The following SP4 variants were observed in gnomAD, a reference collection of about 807,000 sequenced individuals.
The protein encoded by SP4 is Sp4 transcription factor, also known as transcription factor Sp4.
A neutral mutation model predicts 72.8 loss-of-function variants in SP4; 19 were observed. The observed-to-expected ratio is 0.26, with a 90% CI of 0.18 to 0.38. SP4 has a LOEUF of 0.38. Among genes scored for constraint, SP4 ranks in the 10% least tolerant of loss-of-function variants. SP4 has a pLI of 1.00. For synonymous variants in SP4, 395 were observed against 333.1 expected (o/e 1.19, Z -2.02); for missense variants, 1,008 against 926.3 (o/e 1.09, Z -1.14).
At chr7:21,429,180 G>T in intron 2 of SP4, 109 bp from the exon 3 acceptor site, 1 of 624,282 alleles carries the variant, frequency 1.6e-6, no homozygotes, top group Non-Finnish European at 2.8e-6. Context: ...TTCCTAAATT[G>T]TTATGTAGAG....
At chr7:21,475,686 A>T (rs191753680) in intron 3 of SP4, among the ~76,000 whole-genome samples, 87 of 152,204 alleles carry the variant, frequency 5.7e-4, no homozygotes, top group African/African-American at 2.0e-3. Context: ...GATGGTCTCG[A>T]TCTCCTGACC....
At chr7:21,471,311 C>T (rs1784335360) in intron 3 of SP4, among the ~76,000 whole-genome samples, 1 of 152,140 alleles carries the variant, frequency 6.6e-6, no homozygotes, top group Non-Finnish European at 1.5e-5. Flanking sequence ...GTGATAAGGG[C>T]TTGCACTAGT....
At chr7:21,505,235 C>T (rs1781964434) in intron 5 of SP4, among the ~76,000 whole-genome samples, 1 of 152,158 alleles carries the variant, frequency 6.6e-6, no homozygotes, top group Admixed American at 6.5e-5. Flanking sequence ...CCAGTATTCT[C>T]TCTGGGTTTA....
At chr7:21,437,912 AAAAC>A (rs1287619330) in intron 3 of SP4, among the ~76,000 whole-genome samples, 2 of 152,180 alleles carry the variant, frequency 1.3e-5, no homozygotes, top group African/African-American at 4.8e-5. Flanking sequence ...AAGAATGTGG[AAAAC>A]ATTTCGTACT....
At chr7:21,504,289 C>G (rs1487372653) in intron 5 of SP4, among the ~76,000 whole-genome samples, 5 of 152,152 alleles carry the variant, frequency 3.3e-5, no homozygotes, top group African/African-American at 7.2e-5. Context: ...ATTTATTAGA[C>G]CCTGCTCTGT....
At chr7:21,482,752 T>C (rs1429556297) in intron 5 of SP4, 6 of 980,376 alleles carry the variant, frequency 6.1e-6, no homozygotes, top group Non-Finnish European at 7.3e-6. Context: ...AAAAAATGTT[T>C]TGTGTGTGTT....
intron 3 of SP4, among the ~76,000 whole-genome samples, chr7:21,442,037 T>TGTGTG (rs58513125): frequency 2.6e-5 from 1 of 37,824 alleles, no homozygotes; most frequent in African/African-American, 9.2e-5. Context: ...TGTGTGTGTG[T>TGTGTG]ATTTTTTTTT....
In SP4 at chr7:21,430,115, C is replaced by T; in HGVS notation, c.950C>T (p.Ser317Phe). The T allele has an allele frequency of 1.2e-6, 2 of 1,614,210 alleles. No homozygotes were observed. The highest frequency in any genetic ancestry group is 1.1e-5 in the South Asian group (1 of 91,090). The change falls in exon 3 of 6, where the codon TCT becomes TTT. Residue 317 changes from serine to phenylalanine, a missense_variant. This residue lies in a region of SP4 where 893 missense variants were observed against 743.3 expected (regional missense o/e 1.20). Coordinates refer to ENST00000222584, the MANE Select transcript of SP4 (RefSeq NM_003112.5). Reference sequence around the variant, plus strand: ...ACTTCTGCCAGTACTATGCCAGAATCTCCCTCCTCCTCCACTACCTGCACA... The same window carrying T: ...ACTTCTGCCAGTACTATGCCAGAATTTCCCTCCTCCTCCACTACCTGCACA... ...TTTSASTMPESPSSSTTCTTT... is the reference protein window; with the variant it reads ...TTTSASTMPEFPSSSTTCTTT...
At chr7:21,492,020 G>C (rs1784991818) in intron 5 of SP4, among the ~76,000 whole-genome samples, 1 of 152,196 alleles carries the variant, frequency 6.6e-6, no homozygotes, top group Non-Finnish European at 1.5e-5. Flanking sequence ...TGGGTAAATA[G>C]AGCAGACTGT....
At chr7:21,481,282 A>G (rs1230160769) in intron 4 of SP4, among the ~76,000 whole-genome samples, 1 of 152,176 alleles carries the variant, frequency 6.6e-6, no homozygotes, top group African/African-American at 2.4e-5. Flanking sequence ...GGGAGGTGGG[A>G]AGAGTAGGAA....
intron 1 of SP4, among the ~76,000 whole-genome samples, 170 bp downstream of exon 1, chr7:21,428,428 T>A (rs942374170): frequency 2.6e-5 from 4 of 152,116 alleles, no homozygotes; most frequent in Non-Finnish European, 5.9e-5. Context: ...TTTGTCTTAA[T>A]GTCTGAGAGA....
intron 3 of SP4, among the ~76,000 whole-genome samples, chr7:21,459,116 A>C (rs983101711): frequency 6.6e-6 from 1 of 150,556 alleles, no homozygotes; most frequent in Non-Finnish European, 1.5e-5. Context: ...TGTTTTGGGA[A>C]TTGTTTTGTT....
rs1200259975 is a variant in SP4 at position 21,513,419 on chromosome 7, A to G, written c.*2150A>G. 4 of 152,554 alleles carry G rather than the reference A, an allele frequency of 2.6e-5. No homozygotes were observed. The highest frequency in any genetic ancestry group is 2.0e-4 in the Admixed American group (3 of 15,284). 9.5% of individuals were successfully genotyped at this position (152,554 alleles called of 1,614,324 possible). A position where few individuals can be genotyped will look rare whatever the true frequency, so the allele number is the denominator to read the frequency against. On this transcript the variant is annotated 3_prime_UTR_variant, in exon 6 of 6. Coordinates refer to ENST00000222584, the MANE Select transcript of SP4 (RefSeq NM_003112.5). ...TTGTTTTGTATATTTTATTTAATGT[A>G]CTCTTAACAACTGATGTATCTGGCT...
chr7:21,486,631 C>A (rs1042792220), intron 5 of SP4, among the ~76,000 whole-genome samples: 1 of 152,134 alleles, frequency 6.6e-6, no homozygotes. Flanking sequence ...ACATTAGTGT[C>A]TTTCTCTTAT....
intron 3 of SP4, among the ~76,000 whole-genome samples, chr7:21,470,560 G>A (rs1233510205): frequency 6.6e-6 from 1 of 151,938 alleles, no homozygotes; most frequent in African/African-American, 2.4e-5. Flanking sequence ...TCCTTTCTAC[G>A]TGTTAGCTTA....
chr7:21,470,537 C>T (rs1784303197), intron 3 of SP4, among the ~76,000 whole-genome samples: 1 of 152,128 alleles, frequency 6.6e-6, no homozygotes, highest in Admixed American at 6.5e-5. Flanking sequence ...CCTTTACCAG[C>T]TAAACCTGAC....
Position 21,428,719 on chromosome 7 carries a change from C to A in SP4, c.50C>A (p.Ala17Glu). The change falls in exon 2 of 6, where the codon GCG becomes GAG. Residue 17 changes from alanine to glutamate, a missense_variant. Coordinates refer to ENST00000222584, the MANE Select transcript of SP4 (RefSeq NM_003112.5). ...GAGGAGGAGGCGGCAGCGGCAGCGG[C>A]GATGGCTACAGAAGGAGGGAAAACC... ...EEEEEAAAAA[A>E]MATEGGKTSE... The A allele has an allele frequency of 6.4e-7, 1 of 1,554,554 alleles. No individual in the cohort carries two copies. Among genetic ancestry groups the A allele is most frequent in the Non-Finnish European group, 8.7e-7 (1 of 1,148,728 alleles).
chr7:21,464,117 G>C (rs931234753), intron 3 of SP4, among the ~76,000 whole-genome samples: 10 of 147,772 alleles, frequency 6.8e-5, no homozygotes, highest in African/African-American at 2.5e-4. Flanking sequence ...TTGTCAGGGC[G>C]CTCTCTTTTT....
intron 3 of SP4, among the ~76,000 whole-genome samples, chr7:21,463,662 A>G (rs973584668): frequency 1.3e-5 from 2 of 152,226 alleles, no homozygotes; most frequent in Non-Finnish European, 2.9e-5. Flanking sequence ...GAGAAGAGAT[A>G]GTGCCAAGCC....
Sources: gnomAD v4.1 joint callset for allele counts (sites outside exome capture counted in the v4.1 genomes callset) on GRCh38, gnomAD v4.1.1 for gene constraint, gnomAD v4.1.1 regional missense constraint, MANE v1.5 for transcripts, NCBI Gene and HGNC (gene_info 2026-07-23, HGNC 2026-07-21) for gene names.